Variants in HGD observed in about 807,000 individuals in gnomAD.
The protein encoded by HGD is homogentisate 1,2-dioxygenase.
In HGD, 61 loss-of-function variants were observed where a neutral mutation model predicts 60.8. The observed-to-expected ratio is 1.00, with a 90% confidence interval of 0.82 to 1.24. The LOEUF (loss-of-function observed/expected upper bound fraction) is 1.24. Among genes scored for constraint, HGD ranks in the 50% most tolerant of loss-of-function variants. The pLI is 0.00. For synonymous variants in HGD, 212 were observed against 187.7 expected (o/e 1.13, Z -1.06); for missense variants, 542 against 547.1 (o/e 0.99, Z 0.09).
intron 6 of HGD, 58 bp from the exon 7 acceptor site, chr3:120,647,969 AC>A (rs1332215880): frequency 1.5e-6 from 2 of 1,323,872 alleles, no homozygotes; most frequent in African/African-American, 2.9e-5. Context: ...TAGACAAATT[AC>A]GTCATAACAC....
At chr3:120,675,894 T>C (rs1443126327) in intron 1 of HGD, 31 bp from the exon 2 acceptor site, 3 of 1,544,004 alleles carry the variant, frequency 1.9e-6, no homozygotes. Context: ...AATGCCACCA[T>C]TAGCAGGATT....
chr3:120,676,842 C>A (rs1056026382), intron 1 of HGD, among the ~76,000 whole-genome samples: 6 of 152,124 alleles, frequency 3.9e-5, no homozygotes, highest in Non-Finnish European at 8.8e-5. Flanking sequence ...GAAGGGTAGG[C>A]CCTCCAGAGT....
At chr3:120,673,434 C>T (rs1225209742) in intron 3 of HGD, among the ~76,000 whole-genome samples, 1 of 152,102 alleles carries the variant, frequency 6.6e-6, no homozygotes, top group South Asian at 2.1e-4. Flanking sequence ...AGAACATAGT[C>T]ATAGAGGACA....
chr3:120,662,430 A>G (rs1032620335), intron 4 of HGD, among the ~76,000 whole-genome samples: 7 of 152,170 alleles, frequency 4.6e-5, no homozygotes, highest in Non-Finnish European at 7.4e-5. Context: ...GCAGAATTTC[A>G]TAAAGTGCAG....
At chr3:120,644,616 G>A in intron 9 of HGD, 173 bp from the exon 10 acceptor site, 2 of 1,532,034 alleles carry the variant, frequency 1.3e-6, no homozygotes, top group Non-Finnish European at 1.7e-6. Flanking sequence ...AAGACCCAAG[G>A]AATCTGGTCA....
chr3:120,666,471 G>T (rs1168162624), intron 4 of HGD, among the ~76,000 whole-genome samples: 1 of 152,044 alleles, frequency 6.6e-6, no homozygotes, highest in Non-Finnish European at 1.5e-5. Context: ...TTCCAATGCA[G>T]CTATTATTAT....
chr3:120,681,718 A>T (rs1159145681), intron 1 of HGD, among the ~76,000 whole-genome samples: 1 of 152,230 alleles, frequency 6.6e-6, no homozygotes, highest in Non-Finnish European at 1.5e-5. Flanking sequence ...AAGCATATCT[A>T]ACTGGTCACC....
At chr3:120,630,940 C>T (rs112784449) in intron 13 of HGD, among the ~76,000 whole-genome samples, 2,749 of 150,784 alleles carry the variant, frequency 0.018, 97 homozygotes, top group African/African-American at 0.063. Flanking sequence ...AGGAACACGA[C>T]GGAGCTGGAG....
chr3:120,650,663 A>T, intron 6 of HGD, 111 bp downstream of exon 6: 1 of 802,258 alleles, frequency 1.2e-6, no homozygotes, highest in Non-Finnish European at 2.3e-6. Context: ...AATAACAAAA[A>T]CAACTATGTA....
intron 6 of HGD, 81 bp downstream of exon 6, chr3:120,650,693 A>G: frequency 9.9e-7 from 1 of 1,006,508 alleles, no homozygotes. Flanking sequence ...GTGACTTCAC[A>G]AGAGTGAAAC....
intron 1 of HGD, among the ~76,000 whole-genome samples, chr3:120,680,082 G>C (rs1167599813): frequency 2.0e-5 from 3 of 152,186 alleles, no homozygotes; most frequent in Non-Finnish European, 4.4e-5. Context: ...TGAATATTAA[G>C]CAAGTTCTTC....
chr3:120,677,830 A>T (rs1288263356), intron 1 of HGD: 1 of 152,140 alleles, frequency 6.6e-6, no homozygotes, highest in Non-Finnish European at 1.5e-5. Flanking sequence ...CGGCTTTAAA[A>T]TTTCTCTCTT....
chr3:120,635,327 A>G (rs1940728958), intron 12 of HGD, among the ~76,000 whole-genome samples: 1 of 152,040 alleles, frequency 6.6e-6, no homozygotes, highest in Non-Finnish European at 1.5e-5. Context: ...AATACAAAAA[A>G]TTAGCCGGGC....
At chr3:120,666,945 C>A (rs1424556843) in intron 4 of HGD, among the ~76,000 whole-genome samples, 2 of 152,194 alleles carry the variant, frequency 1.3e-5, no homozygotes, top group African/African-American at 4.8e-5. Flanking sequence ...ACTTGACTCT[C>A]ACTTAATGAT....
At chr3:120,646,427 C>A in intron 8 of HGD, 61 bp from the exon 9 acceptor site, 2 of 1,071,722 alleles carry the variant, frequency 1.9e-6, no homozygotes, top group Non-Finnish European at 2.9e-6. Flanking sequence ...TATAAAGAAG[C>A]TGCCCAGAGC....
intron 12 of HGD, 50 bp downstream of exon 12, chr3:120,638,405 T>C: frequency 1.2e-6 from 2 of 1,611,650 alleles, no homozygotes; most frequent in Non-Finnish European, 1.7e-6. Flanking sequence ...CGCTCACTGC[T>C]TTGTTGTCTC....
At chr3:120,676,436 C>T (rs1245217790) in intron 1 of HGD, among the ~76,000 whole-genome samples, 1 of 120,872 alleles carries the variant, frequency 8.3e-6, no homozygotes, top group African/African-American at 3.8e-5. Context: ...TCACTTTACA[C>T]CCAGAGGAAA....
At chr3:120,658,522 G>T (rs1282048035) in intron 4 of HGD, among the ~76,000 whole-genome samples, 1 of 152,212 alleles carries the variant, frequency 6.6e-6, no homozygotes, top group Non-Finnish European at 1.5e-5. Context: ...CTGCTCTCAT[G>T]GGCTGCCATT....
At chr3:120,660,766 A>G (rs2107533326) in intron 4 of HGD, among the ~76,000 whole-genome samples, 1 of 152,358 alleles carries the variant, frequency 6.6e-6, no homozygotes, top group Admixed American at 6.5e-5. Flanking sequence ...AGGAGATTGC[A>G]GTGAGCTGAT....
Sources: allele counts gnomAD v4.1 joint callset (sites outside exome capture counted in the v4.1 genomes callset), GRCh38; gene constraint gnomAD v4.1.1; transcripts MANE v1.5; gene names NCBI Gene and HGNC (gene_info 2026-07-23, HGNC 2026-07-21).